The following UNC93A variants were observed in gnomAD, a reference collection of about 807,000 sequenced individuals.
The protein encoded by UNC93A is N-acetylglucosamine transporter UNC93A.
UNC93A carries 43 observed loss-of-function variants against 47.5 expected under a neutral mutation model. That is an observed-to-expected ratio of 0.91 (90% CI 0.71 to 1.17). The LOEUF is 1.17. UNC93A is among the 50% of genes most tolerant of loss of function. The probability of loss-of-function intolerance (pLI) is 0.00; values close to 1 mark genes in which losing one functional copy is unlikely to be tolerated. For missense variants in UNC93A, 605 were observed against 577.6 expected (o/e 1.05, Z -0.49); for synonymous variants, 280 against 258.0 (o/e 1.09, Z -0.82).
upstream of UNC93A, among the ~76,000 whole-genome samples, chr6:167,286,320 G>A (rs1345130360): frequency 6.6e-6 from 1 of 152,192 alleles, no homozygotes; most frequent in Non-Finnish European, 1.5e-5. Flanking sequence ...TGCACATACA[G>A]GCCTTACCGC....
In UNC93A at chr6:167,273,054, G is replaced by A. The variant is rs183852323; in HGVS notation, c.-52+1596G>A. Among the ~76,000 whole-genome samples, 318 of 152,292 alleles carry A rather than the reference G, an allele frequency of 2.1e-3. 2 individuals are homozygous for A. The highest frequency in any genetic ancestry group is 6.7e-3 in the African/African-American group (277 of 41,552). ...TTGGTTTACAGGCTCGCCTGCCTGT[G>A]GGCCCCTTTGTGACTGCCCAGGCAA... On this transcript the variant is annotated intron_variant, in intron 1 of 3. Transcript: ENST00000503433.
chr6:167,283,809 C>T (rs1456572873), intron 1 of UNC93A, among the ~76,000 whole-genome samples: 4 of 152,126 alleles, frequency 2.6e-5, no homozygotes, highest in Non-Finnish European at 2.9e-5. Context: ...AGTATAGTCA[C>T]AAGAAAGAAC....
chr6:167,272,974 C>T (rs1783473645), intron 1 of UNC93A, among the ~76,000 whole-genome samples: 2 of 152,006 alleles, frequency 1.3e-5, no homozygotes, highest in African/African-American at 4.8e-5. Context: ...TTTAAGAGTG[C>T]CCTGGCAGAG....
At chr6:167,276,695 C>T (rs1461811610) in intron 1 of UNC93A, among the ~76,000 whole-genome samples, 1 of 152,142 alleles carries the variant, frequency 6.6e-6, no homozygotes, top group Non-Finnish European at 1.5e-5. Context: ...TTCCAGGACT[C>T]TTCCATGTTT....
Position 167,295,110 on chromosome 6 carries a change from G to T in UNC93A, c.269+412G>T, listed in dbSNP as rs188061739. Among the ~76,000 whole-genome samples the T allele has an allele frequency of 2.6e-4, 39 of 152,268 alleles. 1 individual carries two copies. In the East Asian group the frequency reaches 7.4e-3, roughly 29 times the overall value. ...CACCTCGCCCACCATTAGGAGGTGG[G>T]TATGGCCAGGGCAGGTCACAGGGAT... On this transcript the variant is annotated intron_variant, in intron 2 of 7. Coordinates refer to ENST00000230256, the MANE Select transcript of UNC93A (RefSeq NM_018974.4).
intron 7 of UNC93A, among the ~76,000 whole-genome samples, chr6:167,309,386 G>T (rs922202297): frequency 3.3e-5 from 5 of 152,042 alleles, no homozygotes; most frequent in African/African-American, 1.2e-4. Flanking sequence ...CTTAGGGTAG[G>T]AACCCTGAAT....
At position 167,295,480 on chromosome 6, in the gene UNC93A, GTGAACCTCGCCTC is replaced by G. The variant is rs1562350052; in HGVS notation, c.270-551_270-539del. 1.6e-4 allele frequency among the ~76,000 whole-genome samples: 14 copies of G among 86,176 alleles called. 1 individual carries two copies. In the South Asian group the frequency reaches 2.3e-3, roughly 14 times the overall value. The allele number at this position is 86,176 out of a possible 152,430, so 56.5% of individuals were successfully genotyped here. On this transcript the variant is annotated intron_variant, in intron 2 of 7. Transcript: ENST00000230256. Reference sequence around the variant, plus strand: ...CTCCCTCGTGCTCCTCGCCTCCCTCGTGAACCTCGCCTCCCTCGTGATCCTCGCCTGCCTCGTG... The same window carrying G: ...CTCCCTCGTGCTCCTCGCCTCCCTCGCCTCGTGATCCTCGCCTGCCTCGTG...
intron 1 of UNC93A, among the ~76,000 whole-genome samples, chr6:167,274,742 C>A (rs1456294652): frequency 6.6e-6 from 1 of 152,112 alleles, no homozygotes; most frequent in Non-Finnish European, 1.5e-5. Context: ...ATACCAATGA[C>A]AACAACAAAA....
Position 167,280,181 on chromosome 6 carries a change from G to A in UNC93A, c.-52+8723G>A, listed in dbSNP as rs206981. ...TGTACATTTGATACTCAAAAGCCGAGGATGAGGTCTCAGGATCAGCAAAAC... is the reference window on the plus strand; with the variant it reads ...TGTACATTTGATACTCAAAAGCCGAAGATGAGGTCTCAGGATCAGCAAAAC... On this transcript the variant is annotated intron_variant, in intron 1 of 3. Transcript: ENST00000503433. Among the ~76,000 whole-genome samples, 1,181 of 152,272 alleles carry A rather than the reference G, an allele frequency of 7.8e-3. 9 individuals carry two copies. Among genetic ancestry groups the A allele is most frequent in the African/African-American group, 0.021 (873 of 41,528 alleles).
intron 5 of UNC93A, among the ~76,000 whole-genome samples, chr6:167,305,220 G>T (rs1474867506): frequency 6.6e-6 from 1 of 152,240 alleles, no homozygotes; most frequent in Non-Finnish European, 1.5e-5. Context: ...AGGCCATAGT[G>T]GGTGTCCTCA....
chr6:167,304,155 G>A (rs777296783), intron 5 of UNC93A, 22 bp downstream of exon 5: 7 of 1,612,784 alleles, frequency 4.3e-6, no homozygotes, highest in East Asian at 2.2e-5. Context: ...AGTGAGGGCC[G>A]GTGGCTCAGG....
In UNC93A at chr6:167,315,401, T is replaced by A; in HGVS notation, c.1323T>A (p.Ala441=). ...VESKNPIRPH[A]PGQVNQAEDE... is the part of the protein sequence containing the mutation. Reference sequence around the variant, plus strand: ...CCAAGAACCCGATCAGACCCCACGCTCCAGGACAGGTCAACCAGGCAGAGG... The same window carrying A: ...CCAAGAACCCGATCAGACCCCACGCACCAGGACAGGTCAACCAGGCAGAGG... The change falls in exon 8 of 8, where the codon GCT becomes GCA. Residue 441 remains alanine (A), a synonymous_variant. Transcript: ENST00000230256. 6.2e-7 allele frequency: 1 copy of A among 1,613,878 alleles called. No individual in the cohort carries two copies. The highest frequency in any genetic ancestry group is 8.5e-7 in the Non-Finnish European group (1 of 1,179,872).
At chr6:167,296,555 A>T (rs1439140007) in intron 3 of UNC93A, among the ~76,000 whole-genome samples, 1 of 152,238 alleles carries the variant, frequency 6.6e-6, no homozygotes, top group Admixed American at 6.5e-5. Context: ...CCACGCCAGT[A>T]GAATTTGTGT....
intron 5 of UNC93A, 140 bp from the exon 6 acceptor site, chr6:167,305,775 C>T: frequency 1.7e-6 from 2 of 1,189,364 alleles, no homozygotes; most frequent in Non-Finnish European, 2.4e-6. Context: ...ATGGGAGCCA[C>T]AGAGCCTAGA....
chr6:167,283,366 T>C (rs1245586458), intron 1 of UNC93A, among the ~76,000 whole-genome samples: 1 of 152,184 alleles, frequency 6.6e-6, no homozygotes, highest in Admixed American at 6.5e-5. Context: ...CAGTTGTTCC[T>C]GAATTCCAAA....
Position 167,296,038 on chromosome 6 carries a change from T to G in UNC93A, c.276T>G (p.Thr92=). 1 of 1,614,066 alleles carries G rather than the reference T, an allele frequency of 6.2e-7. No individual in the cohort carries two copies. The highest frequency in any genetic ancestry group is 8.5e-7 in the Non-Finnish European group (1 of 1,179,976). Residue 92 remains threonine, a synonymous_variant, in exon 3 of 8, where the codon ACT becomes ACG. Transcript: ENST00000230256. ...GTCTGCATTTTACCCACAGGTACACTTTGATCCCCACCTCCATACTGCTGG... is the reference window on the plus strand; with the variant it reads ...GTCTGCATTTTACCCACAGGTACACGTTGATCCCCACCTCCATACTGCTGG... ...SVGNFFASWY[T]LIPTSILLGL... is the part of the protein sequence containing the mutation.
At chr6:167,288,536 A>G (rs1783783278), upstream of UNC93A, among the ~76,000 whole-genome samples, 1 of 152,164 alleles carries the variant, frequency 6.6e-6, no homozygotes, top group Admixed American at 6.5e-5. Context: ...AAAGTAGCCA[A>G]GAACTCATTC....
At chr6:167,288,449 T>TAC (rs10586281), upstream of UNC93A, among the ~76,000 whole-genome samples, 11,926 of 134,620 alleles carry the variant, frequency 0.089, 461 homozygotes, top group Non-Finnish European at 0.1. Flanking sequence ...TGTTCTTCCT[T>TAC]ACACACACAC....
chr6:167,311,362 G>GC (rs2030513498), intron 7 of UNC93A, among the ~76,000 whole-genome samples: 1 of 152,152 alleles, frequency 6.6e-6, no homozygotes, highest in Non-Finnish European at 1.5e-5. Flanking sequence ...AGGATCCCTG[G>GC]CTCACTGTCC....
Sources: gnomAD v4.1 joint callset for allele counts (sites outside exome capture counted in the v4.1 genomes callset) on GRCh38, gnomAD v4.1.1 for gene constraint, MANE v1.5 for transcripts, NCBI Gene and HGNC (gene_info 2026-07-23, HGNC 2026-07-21) for gene names.